AFAP1: variants seen among roughly 807,000 people sequenced by gnomAD.
The protein encoded by AFAP1 is actin filament associated protein 1.
AFAP1 carries 75 observed loss-of-function variants against 93.9 expected under a neutral mutation model. The observed-to-expected ratio is 0.80, with a 90% CI of 0.66 to 0.97. The LOEUF (loss-of-function observed/expected upper bound fraction) is 0.97, where lower values mean the gene tolerates loss of function less well. AFAP1 is among the 50% of genes least tolerant of loss of function. The pLI is 0.00. For synonymous variants in AFAP1, 517 were observed against 430.7 expected (o/e 1.20, Z -2.48); for missense variants, 1,201 against 1,050.8 (o/e 1.14, Z -1.98).
intron 1 of AFAP1, among the ~76,000 whole-genome samples, chr4:7,882,764 C>G (rs571291283): frequency 6.6e-6 from 1 of 152,274 alleles, no homozygotes; most frequent in African/African-American, 2.4e-5. Flanking sequence ...GAGGCTGAGG[C>G]AGGAGAATCG....
intron 10 of AFAP1, among the ~76,000 whole-genome samples, chr4:7,797,843 T>C (rs1221984060): frequency 1.3e-5 from 2 of 151,978 alleles, no homozygotes; most frequent in African/African-American, 4.8e-5. Context: ...TGCAAAAGGT[T>C]CTGAAAAAAA....
intron 8 of AFAP1, among the ~76,000 whole-genome samples, chr4:7,809,972 C>T (rs539392711): frequency 1.3e-5 from 2 of 152,316 alleles, no homozygotes; most frequent in African/African-American, 2.4e-5. Flanking sequence ...GATCCTCCCA[C>T]CTTGGCCTCC....
At chr4:7,849,898 C>G (rs534306691) in intron 4 of AFAP1, among the ~76,000 whole-genome samples, 2 of 151,752 alleles carry the variant, frequency 1.3e-5, no homozygotes, top group East Asian at 3.9e-4. Flanking sequence ...TCTCCTTCTG[C>G]ATCACAGATT....
In AFAP1 at chr4:7,772,817, C is replaced by G; in HGVS notation, c.2253+3G>C. The G allele has an allele frequency of 6.2e-7, 1 of 1,613,486 alleles. No homozygotes were observed. The highest frequency in any genetic ancestry group is 1.3e-5 in the African/African-American group (1 of 75,066). On this transcript the variant is annotated splice_donor_region_variant and intron_variant, in intron 16 of 17. Coordinates refer to ENST00000420658, the MANE Select transcript of AFAP1 (RefSeq NM_001134647.2). ...CTCCGAGGTGAGCCAGAAGGACACA[C>G]ACCTGTGGACTCGATGTCCCTGACT...
rs1341367336 is a variant in AFAP1 at position 7,780,086 on chromosome 4, A to G, written c.1783-1210T>C. 2.0e-5 allele frequency among the ~76,000 whole-genome samples: 3 copies of G among 152,366 alleles called. No individual in the cohort carries two copies. In the East Asian group the frequency reaches 5.8e-4, roughly 29 times the overall value. On this transcript the variant is annotated intron_variant, in intron 13 of 17. Coordinates refer to ENST00000420658, the MANE Select transcript of AFAP1 (RefSeq NM_001134647.2). ...TACCTAAGGCAACTCTAATGCCAATAAAAAGACATGTAGAAACATAGAGGG... is the reference window on the plus strand; with the variant it reads ...TACCTAAGGCAACTCTAATGCCAATGAAAAGACATGTAGAAACATAGAGGG...
At chr4:7,840,962 C>T (rs968158587) in intron 5 of AFAP1, among the ~76,000 whole-genome samples, 1 of 152,022 alleles carries the variant, frequency 6.6e-6, no homozygotes, top group African/African-American at 2.4e-5. Context: ...ATTAGCAAAC[C>T]CCACATCTCA....
chr4:7,761,687 G>C lies in AFAP1; in HGVS notation c.*2078C>G, dbSNP rs1713825158. Reference sequence around the variant, plus strand: ...CAGAGTGGCCCAAGAGTGTCAACCAGGGAAACTATTTGACCCGAAGGCAGC... The same window carrying C: ...CAGAGTGGCCCAAGAGTGTCAACCACGGAAACTATTTGACCCGAAGGCAGC... On this transcript the variant is annotated 3_prime_UTR_variant, in exon 18 of 18. Coordinates refer to ENST00000420658, the MANE Select transcript of AFAP1 (RefSeq NM_001134647.2). 1 of 152,226 alleles carries C rather than the reference G, an allele frequency of 6.6e-6. No homozygotes were observed. The highest frequency in any genetic ancestry group is 2.4e-5 in the African/African-American group (1 of 41,446). The allele number at this position is 152,226 out of a possible 1,614,324, so 9.4% of individuals were successfully genotyped here.
intron 4 of AFAP1, among the ~76,000 whole-genome samples, chr4:7,852,581 G>GCTACT (rs1236544447): frequency 6.6e-6 from 1 of 152,054 alleles, no homozygotes; most frequent in Non-Finnish European, 1.5e-5. Flanking sequence ...ATACAGAAGT[G>GCTACT]CTACTGAAGG....
At chr4:7,888,368 T>C (rs1718254085) in intron 1 of AFAP1, among the ~76,000 whole-genome samples, 1 of 152,168 alleles carries the variant, frequency 6.6e-6, no homozygotes, top group Non-Finnish European at 1.5e-5. Context: ...GCTAGGAGGC[T>C]ACCCACCAAT....
chr4:7,864,782 G>A (rs530775057), intron 3 of AFAP1, among the ~76,000 whole-genome samples: 1 of 152,312 alleles, frequency 6.6e-6, no homozygotes, highest in South Asian at 2.1e-4. Flanking sequence ...CCAAAGCCGA[G>A]TTGATGATTC....
chr4:7,791,441 G>A (rs1041193098), intron 11 of AFAP1, among the ~76,000 whole-genome samples: 1 of 152,138 alleles, frequency 6.6e-6, no homozygotes, highest in African/African-American at 2.4e-5. Flanking sequence ...GGTAATGAAT[G>A]ACTTGTCCAA....
intron 14 of AFAP1, chr4:7,775,114 C>A: frequency 1.8e-6 from 1 of 552,914 alleles, no homozygotes; most frequent in Admixed American, 3.5e-5. Context: ...GTGCTCCAGC[C>A]TGGATGACAG....
chr4:7,849,873 G>C (rs1714236557), intron 4 of AFAP1, among the ~76,000 whole-genome samples: 1 of 151,280 alleles, frequency 6.6e-6, no homozygotes, highest in Non-Finnish European at 1.5e-5. Context: ...GGGTCACAAA[G>C]TTTTGAACAC....
At chr4:7,778,666 C>A (rs1025396692) in intron 14 of AFAP1, 96 bp downstream of exon 14, 1 of 1,198,972 alleles carries the variant, frequency 8.3e-7, no homozygotes, top group South Asian at 1.2e-5. Context: ...TCCAGCTGAC[C>A]CCAAGCTGGC....
At position 7,937,397 on chromosome 4, in the gene AFAP1, T is replaced by C. The variant is rs541607016; in HGVS notation, c.-3+2259A>G. 4.6e-5 allele frequency among the ~76,000 whole-genome samples: 7 copies of C among 152,306 alleles called. No homozygotes were observed. In the South Asian group the frequency reaches 1.4e-3, roughly 32 times the overall value. ...GCTGAAAAGATTCTTAGAAATTATG[T>C]AGTTTACGATCCTCAAAGGTGAGAA... On this transcript the variant is annotated intron_variant, in intron 1 of 17. Coordinates refer to ENST00000420658, the MANE Select transcript of AFAP1 (RefSeq NM_001134647.2).
At chr4:7,921,942 G>T in intron 1 of AFAP1, among the ~76,000 whole-genome samples, 1 of 152,182 alleles carries the variant, frequency 6.6e-6, no homozygotes, top group East Asian at 1.9e-4. Flanking sequence ...GGCCAACATG[G>T]TGAAACCCCG....
intron 6 of AFAP1, among the ~76,000 whole-genome samples, chr4:7,836,281 A>C (rs536768206): frequency 6.6e-6 from 1 of 152,256 alleles, no homozygotes; most frequent in South Asian, 2.1e-4. Flanking sequence ...CGGACCTTGA[A>C]AACACGACGC....
chr4:7,763,558 G>C lies in AFAP1; in HGVS notation c.*207C>G. The C allele has an allele frequency of 1.7e-6, 1 of 587,496 alleles. No individual in the cohort carries two copies. Among genetic ancestry groups the C allele is most frequent in the South Asian group, 2.5e-5 (1 of 39,414 alleles). 36.4% of individuals were successfully genotyped at this position (587,496 alleles called of 1,614,324 possible). A position where few individuals can be genotyped will look rare whatever the true frequency, so the allele number is the denominator to read the frequency against. On this transcript the variant is annotated 3_prime_UTR_variant, in exon 18 of 18. Transcript: ENST00000420658. ...TTTTTTAACAAAGTTGGGAACCAAAGTCTTACATCTTTTTTAAAGGCGCCA... is the reference window on the plus strand; with the variant it reads ...TTTTTTAACAAAGTTGGGAACCAAACTCTTACATCTTTTTTAAAGGCGCCA...
chr4:7,916,455 A>T (rs1720088505), intron 1 of AFAP1, among the ~76,000 whole-genome samples: 1 of 152,040 alleles, frequency 6.6e-6, no homozygotes, highest in African/African-American at 2.4e-5. Flanking sequence ...CCTGCTCTAA[A>T]CCCTGTGGCT....
Sources: gnomAD v4.1 joint callset for allele counts (sites outside exome capture counted in the v4.1 genomes callset) on GRCh38, gnomAD v4.1.1 for gene constraint, MANE v1.5 for transcripts, NCBI Gene and HGNC (gene_info 2026-07-23, HGNC 2026-07-21) for gene names.